Variants in GPATCH2L observed in about 807,000 individuals in gnomAD.
The protein encoded by GPATCH2L is G-patch domain containing 2 like.
Under a neutral mutation model 57.4 loss-of-function variants are expected in GPATCH2L, and 31 were observed. That is an observed-to-expected ratio of 0.54 (90% CI 0.41 to 0.73). GPATCH2L has a LOEUF of 0.73. GPATCH2L is among the 30% of genes least tolerant of loss of function. The probability of loss-of-function intolerance (pLI) is 0.00; values close to 1 mark genes in which losing one functional copy is unlikely to be tolerated. For missense variants in GPATCH2L, 481 were observed against 599.9 expected, an observed-to-expected ratio of 0.80 and a Z score of 2.07; for synonymous variants, 199 against 210.7, an observed-to-expected ratio of 0.94 and a Z score of 0.48.
chr14:76,184,515 G>A (rs1210484625), intron 8 of GPATCH2L, among the ~76,000 whole-genome samples: 1 of 152,082 alleles, frequency 6.6e-6, no homozygotes, highest in Non-Finnish European at 1.5e-5. Context: ...GGCATTGGGA[G>A]GATGGTGCAT....
chr14:76,227,255 C>G (rs755381663), intron 1 of GPATCH2L, among the ~76,000 whole-genome samples: 1 of 152,164 alleles, frequency 6.6e-6, no homozygotes, highest in Non-Finnish European at 1.5e-5. Context: ...GTCTTCTGGC[C>G]GGCATCTGTT....
chr14:76,235,312 G>A (rs2040593924), intron 2 of GPATCH2L, among the ~76,000 whole-genome samples: 1 of 152,160 alleles, frequency 6.6e-6, no homozygotes, highest in Non-Finnish European at 1.5e-5. Flanking sequence ...TTAAGGGTGG[G>A]GCAAGGTGGA....
chr14:76,176,567 C>T (rs1284457720), intron 5 of GPATCH2L, 56 bp from the exon 6 acceptor site: 1 of 1,204,264 alleles, frequency 8.3e-7, no homozygotes, highest in Non-Finnish European at 1.2e-6. Flanking sequence ...TGATATTGTA[C>T]TTTATATGTT....
intron 8 of GPATCH2L, among the ~76,000 whole-genome samples, chr14:76,186,684 A>T (rs1315086173): frequency 2.0e-5 from 3 of 152,144 alleles, no homozygotes; most frequent in Admixed American, 2.0e-4. Flanking sequence ...TTTGTCCTCT[A>T]TTGGAGGGTC....
intron 2 of GPATCH2L, among the ~76,000 whole-genome samples, chr14:76,164,538 T>C (rs1273688358): frequency 6.6e-6 from 1 of 152,218 alleles, no homozygotes; most frequent in East Asian, 1.9e-4. Context: ...ACTCTGCTTT[T>C]ACCAGTAAGT....
At chr14:76,167,114 A>G (rs981368049) in intron 3 of GPATCH2L, among the ~76,000 whole-genome samples, 16 of 152,178 alleles carry the variant, frequency 1.1e-4, no homozygotes, top group African/African-American at 3.1e-4. Context: ...ATTTTCATAT[A>G]GAGAAAATCT....
At chr14:76,188,796 G>T (rs997966190) in intron 8 of GPATCH2L, among the ~76,000 whole-genome samples, 8 of 152,028 alleles carry the variant, frequency 5.3e-5, no homozygotes, top group African/African-American at 1.9e-4. Context: ...ATGTCCTGGA[G>T]ATTTTTCCCA....
chr14:76,167,796 T>C (rs1047254525), intron 3 of GPATCH2L, among the ~76,000 whole-genome samples: 2 of 152,222 alleles, frequency 1.3e-5, no homozygotes, highest in African/African-American at 2.4e-5. Context: ...GATTTTATTA[T>C]ACCAGGAAAG....
At chr14:76,230,309 A>G (rs1467739523) in intron 2 of GPATCH2L, 2 of 152,072 alleles carry the variant, frequency 1.3e-5, no homozygotes, top group Non-Finnish European at 2.9e-5. Flanking sequence ...CATCACCGTG[A>G]TCACCACTTT....
intron 9 of GPATCH2L, among the ~76,000 whole-genome samples, chr14:76,197,383 G>C (rs1455411981): frequency 2.6e-5 from 4 of 152,082 alleles, no homozygotes; most frequent in African/African-American, 9.7e-5. Flanking sequence ...GGAACCACTG[G>C]AAAGAGTTTA....
chr14:76,198,949 A>G (rs1394258610), intron 9 of GPATCH2L, among the ~76,000 whole-genome samples: 1 of 152,216 alleles, frequency 6.6e-6, no homozygotes, highest in African/African-American at 2.4e-5. Flanking sequence ...GGTTGGATTC[A>G]GTAGTTCCAT....
chr14:76,192,465 G>C (rs551879825), intron 8 of GPATCH2L, among the ~76,000 whole-genome samples: 3 of 152,076 alleles, frequency 2.0e-5, no homozygotes, highest in Non-Finnish European at 2.9e-5. Flanking sequence ...ACCTTGAAAT[G>C]GGTCTTAAGA....
intron 3 of GPATCH2L, among the ~76,000 whole-genome samples, chr14:76,167,242 A>G (rs1043815965): frequency 6.6e-5 from 10 of 152,286 alleles, no homozygotes; most frequent in African/African-American, 2.4e-4. Context: ...TAAGGCTGGT[A>G]TAGTTAATTA....
chr14:76,177,626 A>G (rs1270268606), intron 6 of GPATCH2L, among the ~76,000 whole-genome samples: 2 of 151,240 alleles, frequency 1.3e-5, no homozygotes, highest in Admixed American at 1.3e-4. Flanking sequence ...TTGGTGTCAC[A>G]GTGTAATCTT....
intron 1 of GPATCH2L, among the ~76,000 whole-genome samples, chr14:76,225,617 G>T (rs1204092855): frequency 6.6e-6 from 1 of 152,076 alleles, no homozygotes; most frequent in Non-Finnish European, 1.5e-5. Context: ...ATAATTATTG[G>T]ATTATATTAA....
At chr14:76,232,407 C>G (rs2040576424) in intron 2 of GPATCH2L, among the ~76,000 whole-genome samples, 1 of 152,146 alleles carries the variant, frequency 6.6e-6, no homozygotes, top group South Asian at 2.1e-4. Context: ...TCAAGCGATT[C>G]TCCTGCCTCA....
chr14:76,183,387 A>G (rs889761139), intron 8 of GPATCH2L, among the ~76,000 whole-genome samples: 6 of 152,268 alleles, frequency 3.9e-5, no homozygotes, highest in African/African-American at 1.4e-4. Context: ...TACCCAGGGC[A>G]GTAGATACCA....
At chr14:76,173,729 T>C in intron 5 of GPATCH2L, 104 bp downstream of exon 5, 1 of 760,186 alleles carries the variant, frequency 1.3e-6, no homozygotes, top group Non-Finnish European at 2.4e-6. Context: ...TCCCTGAAGT[T>C]AATGGAGCCA....
intron 5 of GPATCH2L, 139 bp from the exon 6 acceptor site, chr14:76,176,483 CT>C (rs1415705834): frequency 1.6e-6 from 1 of 630,180 alleles, no homozygotes; most frequent in African/African-American, 1.8e-5. Context: ...AGTATAGTTG[CT>C]GTTTTATTTT....
Sources: gnomAD v4.1 joint callset for allele counts (sites outside exome capture counted in the v4.1 genomes callset) on GRCh38, gnomAD v4.1.1 for gene constraint, MANE v1.5 for transcripts, NCBI Gene and HGNC (gene_info 2026-07-23, HGNC 2026-07-21) for gene names.